The following CFAP54 variants were observed in gnomAD, a reference collection of about 807,000 sequenced individuals.
The protein encoded by CFAP54 is cilia- and flagella-associated protein 54.
Under a neutral mutation model 370.4 loss-of-function variants are expected in CFAP54, and 290 were observed. The observed-to-expected ratio is 0.78, with a 90% confidence interval of 0.71 to 0.86. The LOEUF (loss-of-function observed/expected upper bound fraction) is 0.86, where lower values mean the gene tolerates loss of function less well. Ranked by LOEUF, CFAP54 falls within the 40% of genes least tolerant of loss-of-function variation. CFAP54 has a pLI of 0.00. For missense variants in CFAP54, 3,399 were observed against 3,528.7 expected, an observed-to-expected ratio of 0.96 and a Z score of 0.93; for synonymous variants, 1,206 against 1,236.5, an observed-to-expected ratio of 0.98 and a Z score of 0.52.
intron 32 of CFAP54, among the ~76,000 whole-genome samples, chr12:96,637,466 T>C (rs1956674700): frequency 6.6e-6 from 1 of 152,212 alleles, no homozygotes; most frequent in East Asian, 1.9e-4. Context: ...GTAGAATGCT[T>C]ACCTCATATA....
chr12:96,828,380 G>C (rs1268512522), intron 65 of CFAP54, among the ~76,000 whole-genome samples: 1 of 151,860 alleles, frequency 6.6e-6, no homozygotes, highest in East Asian at 1.9e-4. Context: ...AGGTGGCGTG[G>C]GTTCTCACTC....
At position 96,786,757 on chromosome 12, in the gene CFAP54, C is replaced by A. The variant is rs1958633783; in HGVS notation, c.8538C>A (p.Arg2846=). ...TTTACAACTCTGAGTTGATTTTGCGCCAGAAAGAAGTGCATTTTTTCCTTA... is the reference window on the plus strand; with the variant it reads ...TTTACAACTCTGAGTTGATTTTGCGACAGAAAGAAGTGCATTTTTTCCTTA... The part of the protein sequence containing the change: ...TSLYNSELIL[R]QKEVHFFLKK... Residue 2846 remains arginine, a synonymous_variant, in exon 62 of 68, where the codon CGC becomes CGA. Transcript: ENST00000524981. 6.5e-7 allele frequency: 1 copy of A among 1,535,712 alleles called. No homozygotes were observed. The highest frequency in any genetic ancestry group is 8.7e-7 in the Non-Finnish European group (1 of 1,146,748).
Position 96,744,022 on chromosome 12 carries a change from G to T in CFAP54, c.7560G>T (p.Met2520Ile). Residue 2520 changes from methionine to isoleucine, a missense_variant and splice_region_variant, in exon 55 of 68, where the codon ATG (methionine) becomes ATT (isoleucine). By Grantham distance (10) the Met-to-Ile change is conservative. Transcript: ENST00000524981. ...TRAHSILTEQ[M>I]LAFGETIEFR... is the part of the protein sequence containing the mutation. ...TACAATATTTGTTTTTTTAATAGAT[G>T]CTAGCTTTTGGAGAAACAATTGAAT... 1 of 1,608,774 alleles carries T rather than the reference G, an allele frequency of 6.2e-7. No individual in the cohort carries two copies. The highest frequency in any genetic ancestry group is 1.7e-4 in the Middle Eastern group (1 of 6,026).
rs1355582697 is a variant in CFAP54, at chr12:96,688,993, A to G, written c.6081+11A>G. ...GCGTTACTCTTTCAGGTAACACTCT[A>G]TGTATGTATGTTTTTCCATTGTAGC... On this transcript the variant is annotated intron_variant, in intron 43 of 67. Coordinates refer to ENST00000524981, the MANE Select transcript of CFAP54 (RefSeq NM_001306084.2). The G allele has an allele frequency of 2.7e-6, 4 of 1,493,354 alleles. No individual in the cohort carries two copies. The highest frequency in any genetic ancestry group is 1.4e-5 in the African/African-American group (1 of 69,506). 92.5% of individuals were successfully genotyped at this position (1,493,354 alleles called of 1,614,324 possible). A position where few individuals can be genotyped will look rare whatever the true frequency, so the allele number is the denominator to read the frequency against.
chr12:96,582,070 C>A lies in CFAP54; in HGVS notation c.3075+965C>A, dbSNP rs535795899. Among the ~76,000 whole-genome samples the A allele has an allele frequency of 1.4e-3, 214 of 152,206 alleles. 2 individuals carry two copies. The highest frequency in any genetic ancestry group is 4.9e-3 in the African/African-American group (205 of 41,526). ...CCTGAGTTCAAATTCCAGCTTCTCACACTATCACAGCCATGTGATAGTGGA... is the reference window on the plus strand; with the variant it reads ...CCTGAGTTCAAATTCCAGCTTCTCAAACTATCACAGCCATGTGATAGTGGA... On this transcript the variant is annotated intron_variant, in intron 22 of 67. Coordinates refer to ENST00000524981, the MANE Select transcript of CFAP54 (RefSeq NM_001306084.2).
intron 67 of CFAP54, among the ~76,000 whole-genome samples, chr12:96,867,083 ATG>A (rs1245988098): frequency 2.6e-5 from 4 of 152,182 alleles, no homozygotes; most frequent in Non-Finnish European, 5.9e-5. Context: ...AATAAAGTAT[ATG>A]TAATGATCCA....
chr12:96,793,537 T>C (rs749258018), intron 63 of CFAP54, among the ~76,000 whole-genome samples: 3 of 152,174 alleles, frequency 2.0e-5, no homozygotes, highest in Admixed American at 1.3e-4. Context: ...TTTTTTTCTT[T>C]GTATAATGAC....
chr12:96,845,654 C>T (rs1959321878), intron 66 of CFAP54, among the ~76,000 whole-genome samples: 1 of 152,248 alleles, frequency 6.6e-6, no homozygotes. Flanking sequence ...CAGCTTCTCC[C>T]TCTGCCTAAC....
intron 60 of CFAP54, among the ~76,000 whole-genome samples, chr12:96,782,193 A>T (rs1372740523): frequency 1.3e-5 from 2 of 152,146 alleles, no homozygotes; most frequent in Non-Finnish European, 2.9e-5. Flanking sequence ...TGAAAAAATT[A>T]CAAGTGGGAA....
intron 55 of CFAP54, among the ~76,000 whole-genome samples, chr12:96,748,092 C>T (rs1958138400): frequency 6.6e-6 from 1 of 152,072 alleles, no homozygotes; most frequent in Non-Finnish European, 1.5e-5. Flanking sequence ...TACCTGTTTC[C>T]CTCATAGGCC....
intron 49 of CFAP54, among the ~76,000 whole-genome samples, chr12:96,719,413 T>C (rs947240507): frequency 1.3e-5 from 2 of 152,208 alleles, no homozygotes; most frequent in African/African-American, 4.8e-5. Flanking sequence ...ACTTGAAAGA[T>C]TGGTTGGTCC....
chr12:96,679,077 C>T (rs1957242771), intron 39 of CFAP54, among the ~76,000 whole-genome samples: 2 of 152,216 alleles, frequency 1.3e-5, no homozygotes, highest in South Asian at 4.1e-4. Context: ...CCTTTCTGGG[C>T]ACTTTTCAGG....
Position 96,860,793 on chromosome 12 carries a change from A to G in CFAP54, c.9172-26A>G, listed in dbSNP as rs189898927. 519 of 1,500,568 alleles carry G rather than the reference A, an allele frequency of 3.5e-4. 1 individual carries two copies. The highest frequency in any genetic ancestry group is 1.3e-3 in the Admixed American group (57 of 43,282). The allele number at this position is 1,500,568 out of a possible 1,614,324, so 93.0% of individuals were successfully genotyped here. On this transcript the variant is annotated intron_variant, in intron 66 of 67. Coordinates refer to ENST00000524981, the MANE Select transcript of CFAP54 (RefSeq NM_001306084.2). Reference sequence around the variant, plus strand: ...TCAACAGTTTGAAACAATGCATTTCATGAACACTTTTATGTTTTTCCTCAG... The same window carrying G: ...TCAACAGTTTGAAACAATGCATTTCGTGAACACTTTTATGTTTTTCCTCAG...
intron 38 of CFAP54, among the ~76,000 whole-genome samples, chr12:96,662,198 A>T (rs1312562289): frequency 6.6e-6 from 1 of 151,894 alleles, no homozygotes. Flanking sequence ...AGCCTATAAT[A>T]TATTCTTTTT....
At chr12:96,576,529 G>GTTA in intron 19 of CFAP54, 56 bp from the exon 20 acceptor site, 3 of 1,278,054 alleles carry the variant, frequency 2.3e-6, no homozygotes, top group Non-Finnish European at 3.2e-6. Flanking sequence ...TTCTATAAAC[G>GTTA]TAAATAGAGT....
At chr12:96,545,409 T>TA (rs1395385585) in intron 14 of CFAP54, among the ~76,000 whole-genome samples, 2 of 152,026 alleles carry the variant, frequency 1.3e-5, no homozygotes, top group Non-Finnish European at 2.9e-5. Context: ...ATAAAAAAGA[T>TA]ACAAAACTCT....
At chr12:96,584,021 T>G (rs559494432) in intron 22 of CFAP54, among the ~76,000 whole-genome samples, 46 of 152,340 alleles carry the variant, frequency 3.0e-4, no homozygotes, top group Non-Finnish European at 5.3e-4. Context: ...ATGAATGCTT[T>G]GTCAGCAATC....
At chr12:96,755,666 C>CTTTTTTTTTTTTTTTTTTTTTT (rs71758359) in intron 56 of CFAP54, among the ~76,000 whole-genome samples, 1 of 88,040 alleles carries the variant, frequency 1.1e-5, no homozygotes, top group African/African-American at 4.5e-5. Context: ...TTCTTTTTTC[C>CTTTTTTTTTTTTTTTTTTTTTT]TTTTTTTTTT....
At chr12:96,639,150 T>C (rs12303094) in intron 32 of CFAP54, among the ~76,000 whole-genome samples, 64,941 of 151,898 alleles carry the variant, frequency 0.43, 14,258 homozygotes, top group Admixed American at 0.51. Flanking sequence ...GCTGGTTTTT[T>C]GAAAAGATCA....
Sources: gnomAD v4.1 joint callset for allele counts (sites outside exome capture counted in the v4.1 genomes callset) on GRCh38, gnomAD v4.1.1 for gene constraint, MANE v1.5 for transcripts, NCBI Gene and HGNC (gene_info 2026-07-23, HGNC 2026-07-21) for gene names.